Variants in C10orf90 observed in about 807,000 individuals in gnomAD.
C10orf90 encodes (E2-independent) E3 ubiquitin-conjugating enzyme FATS.
In C10orf90, 56 loss-of-function variants were observed where a neutral mutation model predicts 62.5. That is an observed-to-expected ratio of 0.90 (90% CI 0.72 to 1.12). C10orf90 has a LOEUF of 1.12. Among genes scored for constraint, C10orf90 ranks in the 50% most tolerant of loss-of-function variants. The pLI, the probability that C10orf90 is intolerant of heterozygous loss-of-function variation, is 0.00. For missense variants in C10orf90, 970 were observed against 880.4 expected, an observed-to-expected ratio of 1.10 and a Z score of -1.29; for synonymous variants, 386 against 340.4, an observed-to-expected ratio of 1.13 and a Z score of -1.47.
chr10:126,603,774 T>C (rs1483870411), intron 2 of C10orf90, among the ~76,000 whole-genome samples: 7 of 152,160 alleles, frequency 4.6e-5, no homozygotes, highest in Non-Finnish European at 2.9e-5. Context: ...AGGGTTCTTA[T>C]ATACCTCCCA....
At chr10:126,648,394 G>T (rs529125156) in intron 1 of C10orf90, among the ~76,000 whole-genome samples, 1 of 152,320 alleles carries the variant, frequency 6.6e-6, no homozygotes, top group African/African-American at 2.4e-5. Flanking sequence ...CTCCAGAATT[G>T]TGAGGAGTAA....
At chr10:126,631,552 T>C (rs1258618168) in intron 2 of C10orf90, among the ~76,000 whole-genome samples, 2 of 151,992 alleles carry the variant, frequency 1.3e-5, no homozygotes, top group Non-Finnish European at 2.9e-5. Flanking sequence ...CACTAGAACA[T>C]AGATTTCAGG....
intron 7 of C10orf90, among the ~76,000 whole-genome samples, chr10:126,447,353 A>G (rs1858852715): frequency 6.6e-6 from 1 of 152,174 alleles, no homozygotes; most frequent in African/African-American, 2.4e-5. Flanking sequence ...GATATTCCCG[A>G]TAAAAGAAAA....
rs929169144 is a variant in C10orf90 at position 126,561,337 on chromosome 10, C to G, written c.314-47398G>C. On this transcript the variant is annotated intron_variant, in intron 2 of 9. Transcript: ENST00000488181. ...GGTATCATGATGAAAATTCACCACA[C>G]ATTTCATTCAAGCACACGTGAGGCT... Among the ~76,000 whole-genome samples the G allele has an allele frequency of 2.6e-5, 4 of 152,158 alleles. No individual in the cohort carries two copies. The East Asian group carries it at 7.7e-4, about 29-fold the overall frequency.
At chr10:126,593,081 G>C (rs1276736218) in intron 2 of C10orf90, among the ~76,000 whole-genome samples, 1 of 152,220 alleles carries the variant, frequency 6.6e-6, no homozygotes, top group Non-Finnish European at 1.5e-5. Flanking sequence ...CTTTTATGCT[G>C]TTGGTGACAA....
intron 2 of C10orf90, among the ~76,000 whole-genome samples, chr10:126,607,248 G>C (rs1845332400): frequency 6.6e-6 from 1 of 152,180 alleles, no homozygotes; most frequent in Non-Finnish European, 1.5e-5. Context: ...CTACCATTGA[G>C]TACCCTTCAT....
intron 4 of C10orf90, among the ~76,000 whole-genome samples, chr10:126,493,798 G>T (rs967910508): frequency 6.6e-6 from 1 of 152,194 alleles, no homozygotes; most frequent in African/African-American, 2.4e-5. Flanking sequence ...TACCAGCTGC[G>T]CCAACAGCCA....
intron 2 of C10orf90, among the ~76,000 whole-genome samples, chr10:126,621,825 A>T (rs1845649071): frequency 6.6e-6 from 1 of 152,220 alleles, no homozygotes; most frequent in Admixed American, 6.5e-5. Flanking sequence ...ACTTTGCTTT[A>T]ACTCATCAAT....
At position 126,586,482 on chromosome 10, in the gene C10orf90, T is replaced by C. The variant is rs371474053; in HGVS notation, c.313+60083A>G. Among the ~76,000 whole-genome samples the C allele has an allele frequency of 1.1e-4, 17 of 152,236 alleles. No homozygotes were observed. In the East Asian group the frequency reaches 2.7e-3, roughly 24 times the overall value. On this transcript the variant is annotated intron_variant, in intron 2 of 9. Coordinates refer to ENST00000488181, the MANE Select transcript of C10orf90 (RefSeq NM_001350921.2). The stretch of plus-strand genomic sequence containing the variant: ...CGCTCTTTCGTGAGTCCATTCAAGG[T>C]TCATGTGGCTGTTCTCAAAATAACA...
intron 4 of C10orf90, among the ~76,000 whole-genome samples, chr10:126,493,412 G>A (rs1861868771): frequency 6.6e-6 from 1 of 150,418 alleles, no homozygotes; most frequent in Non-Finnish European, 1.5e-5. Flanking sequence ...CTAGGCTAGA[G>A]TGCAGTGGCA....
intron 4 of C10orf90, among the ~76,000 whole-genome samples, chr10:126,502,003 C>CCA (rs959327463): frequency 1.4e-5 from 2 of 146,788 alleles, no homozygotes; most frequent in African/African-American, 5.0e-5. Context: ...TACACACACA[C>CCA]CACACACACA....
intron 2 of C10orf90, among the ~76,000 whole-genome samples, chr10:126,537,174 G>C (rs1864260183): frequency 6.6e-6 from 1 of 152,070 alleles, no homozygotes; most frequent in Non-Finnish European, 1.5e-5. Flanking sequence ...GATTCAATAA[G>C]AAAAATAGCC....
intron 7 of C10orf90, among the ~76,000 whole-genome samples, chr10:126,441,278 G>GA (rs1426736354): frequency 3.3e-5 from 5 of 151,918 alleles, no homozygotes; most frequent in Admixed American, 2.0e-4. Context: ...ACAAGTAGAA[G>GA]AAAGAAATTC....
chr10:126,552,330 G>A lies in C10orf90; in HGVS notation c.314-38391C>T, dbSNP rs982605624. 2.0e-5 allele frequency among the ~76,000 whole-genome samples: 3 copies of A among 152,324 alleles called. No individual in the cohort carries two copies. The South Asian group carries it at 6.2e-4, about 32-fold the overall frequency. On this transcript the variant is annotated intron_variant, in intron 2 of 9. Coordinates refer to ENST00000488181, the MANE Select transcript of C10orf90 (RefSeq NM_001350921.2). ...CTTTAAGTGCTTCAGGGTACTGATT[G>A]TAGCACTAATTGTAGCACTAAACTG...
chr10:126,582,005 G>A (rs1005833205), intron 2 of C10orf90, among the ~76,000 whole-genome samples: 3 of 152,190 alleles, frequency 2.0e-5, no homozygotes, highest in South Asian at 2.1e-4. Context: ...TCCCACCTGG[G>A]AGGGAGCAAG....
In C10orf90 at chr10:126,504,216, C is replaced by T. The variant is rs1243743094; in HGVS notation, c.1275G>A (p.Gln425=). 6.2e-7 allele frequency: 1 copy of T among 1,614,192 alleles called. No individual in the cohort carries two copies. The highest frequency in any genetic ancestry group is 1.1e-5 in the South Asian group (1 of 91,078). ...GGTTCCAGCGCTGGCCTACGAGGTC[C>T]TGGTCTCCCTCCAGGAGCTCCTGCT... ...ALKQELLEGD[Q]DLVGQRWNPG... is the part of the protein sequence containing the mutation. Residue 425 remains glutamine (Q), a synonymous_variant, in exon 4 of 10, where the codon CAG becomes CAA. Coordinates refer to ENST00000488181, the MANE Select transcript of C10orf90 (RefSeq NM_001350921.2). This position sits in a 1 kb window ranked among gnomAD's most constrained non-coding sequence, Gnocchi z 4.1.
intron 8 of C10orf90, among the ~76,000 whole-genome samples, chr10:126,428,253 T>C (rs899841199): frequency 2.6e-5 from 4 of 152,080 alleles, no homozygotes; most frequent in African/African-American, 9.7e-5. Flanking sequence ...ACTCAGGAGA[T>C]ATCACTGTGG....
At chr10:126,621,187 C>T (rs183866353) in intron 2 of C10orf90, among the ~76,000 whole-genome samples, 182 of 152,210 alleles carry the variant, frequency 1.2e-3, no homozygotes, top group Non-Finnish European at 2.1e-3. Flanking sequence ...GTGGACTCTA[C>T]GACTTTACAT....
chr10:126,434,326 C>G (rs945875027), intron 7 of C10orf90, among the ~76,000 whole-genome samples: 2 of 152,206 alleles, frequency 1.3e-5, no homozygotes, highest in African/African-American at 2.4e-5. Flanking sequence ...CAGCAAAGAT[C>G]ACCCTGCCAC....
Sources: gnomAD v4.1 joint callset for allele counts (sites outside exome capture counted in the v4.1 genomes callset) on GRCh38, gnomAD v4.1.1 for gene constraint, Gnocchi (gnomAD v3.1) non-coding constraint, MANE v1.5 for transcripts, NCBI Gene and HGNC (gene_info 2026-07-23, HGNC 2026-07-21) for gene names.